SYNJ1: variants seen among roughly 807,000 people sequenced by gnomAD.
The protein encoded by SYNJ1 is synaptojanin 1.
A neutral mutation model predicts 168.2 loss-of-function variants in SYNJ1; 78 were observed. That is an observed-to-expected ratio of 0.46 (90% CI 0.39 to 0.56). The LOEUF is 0.56. Ranked by LOEUF, SYNJ1 falls within the 20% of genes least tolerant of loss-of-function variation. SYNJ1 has a pLI of 0.00. For synonymous variants in SYNJ1, 539 were observed against 548.6 expected, an observed-to-expected ratio of 0.98 and a Z score of 0.24; for missense variants, 1,303 against 1,597.6, an observed-to-expected ratio of 0.82 and a Z score of 3.14.
chr21:32,653,261 G>A, intron 22 of SYNJ1, 27 bp downstream of exon 22: 1 of 1,565,684 alleles, frequency 6.4e-7, no homozygotes. Flanking sequence ...TTTCAGAATG[G>A]TTTAGAATCA....
chr21:32,722,177 C>T (rs1201882469), intron 2 of SYNJ1, among the ~76,000 whole-genome samples: 1 of 125,226 alleles, frequency 8.0e-6, no homozygotes, highest in East Asian at 2.2e-4. Context: ...AAGAATGAAA[C>T]TCCATCTCAA....
chr21:32,667,980 A>T (rs1432699210), intron 15 of SYNJ1, among the ~76,000 whole-genome samples: 1 of 151,846 alleles, frequency 6.6e-6, no homozygotes, highest in African/African-American at 2.4e-5. Context: ...ATGAATAAAT[A>T]TTCACTACTT....
chr21:32,635,482 A>G (rs1414266721), intron 31 of SYNJ1, among the ~76,000 whole-genome samples: 1 of 152,170 alleles, frequency 6.6e-6, no homozygotes, highest in Non-Finnish European at 1.5e-5. Flanking sequence ...GAACTCAACC[A>G]TGCTGGCACC....
intron 22 of SYNJ1, among the ~76,000 whole-genome samples, chr21:32,651,120 T>C (rs2040256404): frequency 6.6e-6 from 1 of 152,242 alleles, no homozygotes; most frequent in Non-Finnish European, 1.5e-5. Flanking sequence ...GGACAAAATG[T>C]GCACTAGAAA....
At chr21:32,677,514 C>T (rs752885829) in intron 12 of SYNJ1, among the ~76,000 whole-genome samples, 27 of 152,118 alleles carry the variant, frequency 1.8e-4, no homozygotes, top group Non-Finnish European at 3.1e-4. Flanking sequence ...CCTCTTCTTT[C>T]CTTCAACCAC....
At chr21:32,697,757 C>T (rs967127439) in intron 4 of SYNJ1, among the ~76,000 whole-genome samples, 10 of 152,214 alleles carry the variant, frequency 6.6e-5, no homozygotes, top group African/African-American at 2.2e-4. Context: ...GCCAAGATCG[C>T]GCCACTGCGC....
At chr21:32,639,647 C>T in intron 30 of SYNJ1, 24 bp downstream of exon 30, 1 of 1,600,334 alleles carries the variant, frequency 6.2e-7, no homozygotes, top group Non-Finnish European at 8.6e-7. Flanking sequence ...ATCCTCCTGC[C>T]TCAGCCTCCC....
At chr21:32,676,279 G>GA in intron 13 of SYNJ1, 53 bp downstream of exon 13, 3 of 1,442,864 alleles carry the variant, frequency 2.1e-6, no homozygotes, top group Non-Finnish European at 2.8e-6. Context: ...ATCGACTTCA[G>GA]AAAAAATAAG....
intron 2 of SYNJ1, 49 bp from the exon 3 acceptor site, chr21:32,702,096 T>C: frequency 7.6e-7 from 1 of 1,312,982 alleles, no homozygotes; most frequent in South Asian, 1.4e-5. Flanking sequence ...AACATTGGAT[T>C]CTATTTAGCT....
chr21:32,663,294 C>A (rs1045122623), intron 18 of SYNJ1, among the ~76,000 whole-genome samples: 1 of 152,152 alleles, frequency 6.6e-6, no homozygotes, highest in Non-Finnish European at 1.5e-5. Context: ...AATTCACTCA[C>A]CCCGTAGGAT....
intron 11 of SYNJ1, among the ~76,000 whole-genome samples, chr21:32,681,101 G>A (rs1344409589): frequency 6.6e-6 from 1 of 152,114 alleles, no homozygotes; most frequent in African/African-American, 2.4e-5. Context: ...TGCAGGGAAC[G>A]CAAAGCCAAA....
chr21:32,638,815 A>G, intron 31 of SYNJ1, 93 bp downstream of exon 31: 1 of 1,207,564 alleles, frequency 8.3e-7, no homozygotes, highest in Non-Finnish European at 1.1e-6. Flanking sequence ...ATTTATTTTT[A>G]CTTCTTATAA....
chr21:32,705,773 C>G (rs752611184), intron 2 of SYNJ1, among the ~76,000 whole-genome samples: 6 of 152,124 alleles, frequency 3.9e-5, no homozygotes, highest in Non-Finnish European at 8.8e-5. Context: ...ACCCCTTGAA[C>G]CCAGGAGTTC....
At chr21:32,643,906 T>C (rs2039956401) in intron 26 of SYNJ1, among the ~76,000 whole-genome samples, 1 of 152,214 alleles carries the variant, frequency 6.6e-6, no homozygotes, top group African/African-American at 2.4e-5. Context: ...TGTACTATAA[T>C]GACGTAAAGG....
intron 18 of SYNJ1, among the ~76,000 whole-genome samples, chr21:32,659,731 G>A (rs1389532609): frequency 6.6e-6 from 1 of 152,170 alleles, no homozygotes; most frequent in African/African-American, 2.4e-5. Context: ...TCAGTTTTTG[G>A]AGACGCAAGT....
intron 21 of SYNJ1, among the ~76,000 whole-genome samples, chr21:32,656,049 A>G (rs2040441729): frequency 6.6e-6 from 1 of 152,238 alleles, no homozygotes; most frequent in African/African-American, 2.4e-5. Flanking sequence ...ATTTTGTTAT[A>G]GGGTTTTGTT....
intron 6 of SYNJ1, among the ~76,000 whole-genome samples, chr21:32,688,853 A>G (rs2041922687): frequency 6.6e-6 from 1 of 152,214 alleles, no homozygotes; most frequent in African/African-American, 2.4e-5. Flanking sequence ...GCTGCCTACC[A>G]ATACAAATGT....
chr21:32,712,394 GCTT>G (rs1394572680), intron 2 of SYNJ1, among the ~76,000 whole-genome samples: 1 of 152,108 alleles, frequency 6.6e-6, no homozygotes, highest in Non-Finnish European at 1.5e-5. Flanking sequence ...TGGCAGTAAA[GCTT>G]CTTTCCATTT....
At position 32,719,813 on chromosome 21, in the gene SYNJ1, A is replaced by T. The variant is rs140165350; in HGVS notation, c.124+6959T>A. Among the ~76,000 whole-genome samples, 201 of 152,126 alleles carry T rather than the reference A, an allele frequency of 1.3e-3. 1 individual carries two copies. Among genetic ancestry groups the T allele is most frequent in the African/African-American group, 4.7e-3 (196 of 41,536 alleles). On this transcript the variant is annotated intron_variant, in intron 2 of 32. Transcript: ENST00000674351. ...TAAATTGTGGTTACTTATGAAGAAA[A>T]TAAATGTTCTATTTTTTCTGCATTT...
Sources: gnomAD v4.1 joint callset for allele counts (sites outside exome capture counted in the v4.1 genomes callset) on GRCh38, gnomAD v4.1.1 for gene constraint, MANE v1.5 for transcripts, NCBI Gene and HGNC (gene_info 2026-07-23, HGNC 2026-07-21) for gene names.